The following CDC42SE2 variants were observed in gnomAD, a reference collection of about 807,000 sequenced individuals.
CDC42SE2 encodes CDC42 small effector protein 2.
CDC42SE2 carries 3 observed loss-of-function variants against 11.5 expected under a neutral mutation model. The ratio of observed to expected loss-of-function variants is 0.26; its 90% confidence interval spans 0.12 to 0.67. The LOEUF is 0.67. Ranked by LOEUF, CDC42SE2 falls within the 30% of genes least tolerant of loss-of-function variation. The probability of loss-of-function intolerance (pLI) is 0.80; values close to 1 mark genes in which losing one functional copy is unlikely to be tolerated. For synonymous variants in CDC42SE2, 33 were observed against 34.8 expected (o/e 0.95, Z 0.18); for missense variants, 82 against 106.8 (o/e 0.77, Z 1.02).
chr5:131,339,809 C>CAA (rs748107559), intron 2 of CDC42SE2, among the ~76,000 whole-genome samples: 10 of 82,450 alleles, frequency 1.2e-4, no homozygotes, highest in African/African-American at 3.7e-4. Context: ...GACCCCATCT[C>CAA]AAAAAAAAAA....
At chr5:131,276,396 C>G (rs1757102971) in intron 1 of CDC42SE2, among the ~76,000 whole-genome samples, 1 of 151,152 alleles carries the variant, frequency 6.6e-6, no homozygotes. Context: ...CTGCAGTGAG[C>G]CGAGATCTCA....
upstream of CDC42SE2, among the ~76,000 whole-genome samples, chr5:131,240,679 T>G (rs1756533322): frequency 6.6e-6 from 1 of 152,200 alleles, no homozygotes; most frequent in African/African-American, 2.4e-5. Context: ...CCAGTTTTAA[T>G]AAAATCATGG....
At chr5:131,308,862 T>G (rs1339861090) in intron 1 of CDC42SE2, among the ~76,000 whole-genome samples, 2 of 152,020 alleles carry the variant, frequency 1.3e-5, no homozygotes, top group Non-Finnish European at 2.9e-5. Flanking sequence ...TGATGGGGTT[T>G]TCTAGCTATA....
chr5:131,373,002 C>T (rs1388100956), intron 3 of CDC42SE2, among the ~76,000 whole-genome samples: 2 of 151,970 alleles, frequency 1.3e-5, no homozygotes, highest in African/African-American at 4.8e-5. Context: ...GCTTTTATCC[C>T]CATTGGTTAT....
At chr5:131,341,351 C>G (rs1758707815) in intron 2 of CDC42SE2, among the ~76,000 whole-genome samples, 1 of 152,200 alleles carries the variant, frequency 6.6e-6, no homozygotes, top group Non-Finnish European at 1.5e-5. Context: ...TCAGACTTCT[C>G]ACAACCCTGG....
At chr5:131,380,785 TC>T (rs1750298315) in intron 3 of CDC42SE2, among the ~76,000 whole-genome samples, 1 of 152,204 alleles carries the variant, frequency 6.6e-6, no homozygotes, top group South Asian at 2.1e-4. Flanking sequence ...TCTCCTTTTC[TC>T]CTTTCAGCCA....
intron 2 of CDC42SE2, among the ~76,000 whole-genome samples, chr5:131,346,027 A>T (rs1317918969): frequency 6.6e-6 from 1 of 152,244 alleles, no homozygotes; most frequent in African/African-American, 2.4e-5. Context: ...AGCAACTGGT[A>T]CCACCAGCCA....
At chr5:131,280,308 T>C (rs915579321) in intron 1 of CDC42SE2, among the ~76,000 whole-genome samples, 2 of 152,170 alleles carry the variant, frequency 1.3e-5, no homozygotes, top group Non-Finnish European at 2.9e-5. Context: ...CACCCTAAAA[T>C]ATAATAACTA....
upstream of CDC42SE2, among the ~76,000 whole-genome samples, chr5:131,242,742 A>G (rs1756549845): frequency 6.6e-6 from 1 of 152,158 alleles, no homozygotes; most frequent in African/African-American, 2.4e-5. Flanking sequence ...ATGTTGGTCT[A>G]AGAACCTCTT....
At chr5:131,346,222 G>C (rs1195984283) in intron 2 of CDC42SE2, among the ~76,000 whole-genome samples, 1 of 152,150 alleles carries the variant, frequency 6.6e-6, no homozygotes, top group Non-Finnish European at 1.5e-5. Context: ...TGGATAAAGA[G>C]TCAAGACCCG....
intron 1 of CDC42SE2, among the ~76,000 whole-genome samples, chr5:131,264,964 T>C (rs981075357): frequency 2.0e-5 from 3 of 152,198 alleles, no homozygotes; most frequent in African/African-American, 7.2e-5. Flanking sequence ...AATCTAAATG[T>C]TTCGTTGAAG....
chr5:131,254,986 T>TA lies in CDC42SE2; in HGVS notation n.108-98dup, dbSNP rs141335394. The TA allele has an allele frequency of 1.1e-3, 165 of 148,480 alleles. 1 individual carries two copies. Among genetic ancestry groups the TA allele is most frequent in the African/African-American group, 3.8e-3 (153 of 40,734 alleles). 9.2% of individuals were successfully genotyped at this position (148,480 alleles called of 1,614,324 possible). A position where few individuals can be genotyped will look rare whatever the true frequency, so the allele number is the denominator to read the frequency against. ...CTCATTATAACCAAGAACTGATGGGTAAAAAAAAAAATCTTCTAAGTTTGC... is the reference window on the plus strand; with the variant it reads ...CTCATTATAACCAAGAACTGATGGGTAAAAAAAAAAAATCTTCTAAGTTTGC... On this transcript the variant is annotated intron_variant and non_coding_transcript_variant, in intron 1 of 3. Coordinates refer to the CDC42SE2 transcript ENST00000502840.
chr5:131,268,544 C>T (rs1756921215), intron 1 of CDC42SE2, among the ~76,000 whole-genome samples: 1 of 151,706 alleles, frequency 6.6e-6, no homozygotes, highest in South Asian at 2.1e-4. Flanking sequence ...CCTCCACCTC[C>T]CCGGTTCAAA....
Position 131,269,945 on chromosome 5 carries a change from C to G in CDC42SE2, c.-455+5779C>G, listed in dbSNP as rs574273150. 3.9e-5 allele frequency among the ~76,000 whole-genome samples: 6 copies of G among 152,190 alleles called. No homozygotes were observed. The South Asian group carries it at 1.2e-3, about 32-fold the overall frequency. On this transcript the variant is annotated intron_variant, in intron 1 of 4. Transcript: ENST00000505065. ...GCGCGGTGGCTCAGGCCTGTAATCC[C>G]AGCCACTTGGGAGTCTGAGGCAGGA...
intron 2 of CDC42SE2, among the ~76,000 whole-genome samples, chr5:131,340,612 C>T (rs895271007): frequency 6.6e-6 from 1 of 151,864 alleles, no homozygotes; most frequent in African/African-American, 2.4e-5. Flanking sequence ...CAGTCTTAGA[C>T]AAACAACTGA....
At chr5:131,284,770 G>A (rs1204123754) in intron 1 of CDC42SE2, among the ~76,000 whole-genome samples, 2 of 152,104 alleles carry the variant, frequency 1.3e-5, no homozygotes, top group Non-Finnish European at 2.9e-5. Context: ...ACTGGGCCCA[G>A]CCCCCAATTT....
intron 2 of CDC42SE2, among the ~76,000 whole-genome samples, chr5:131,340,211 C>T (rs968335544): frequency 6.6e-6 from 1 of 152,164 alleles, no homozygotes; most frequent in Non-Finnish European, 1.5e-5. Flanking sequence ...TTTTGGCCAA[C>T]TGTGGTCCAA....
chr5:131,233,207 T>C, the CDC42SE2 span, among the ~76,000 whole-genome samples: 1 of 152,032 alleles, frequency 6.6e-6, no homozygotes, highest in African/African-American at 2.4e-5. Context: ...GATTATTTCC[T>C]ATCAGTACAT....
intron 2 of CDC42SE2, among the ~76,000 whole-genome samples, chr5:131,323,483 T>G (rs184169607): frequency 6.6e-6 from 1 of 151,874 alleles, no homozygotes; most frequent in African/African-American, 2.4e-5. Flanking sequence ...TGTGCTTTGT[T>G]TCTGTAACTT....
Sources: allele counts gnomAD v4.1 joint callset (sites outside exome capture counted in the v4.1 genomes callset), GRCh38; gene constraint gnomAD v4.1.1; transcripts MANE v1.5; gene names NCBI Gene and HGNC (gene_info 2026-07-23, HGNC 2026-07-21).